RXRA: variants seen among roughly 807,000 people sequenced by gnomAD.
The protein encoded by RXRA is retinoid X receptor alpha.
In RXRA, 5 loss-of-function variants were observed where a neutral mutation model predicts 44.5. That is an observed-to-expected ratio of 0.11 (90% CI 0.06 to 0.24). The LOEUF (loss-of-function observed/expected upper bound fraction) is 0.24, where lower values mean the gene tolerates loss of function less well. Ranked by LOEUF, RXRA falls within the 10% of genes least tolerant of loss-of-function variation. RXRA has a pLI of 1.00. For synonymous variants in RXRA, 291 were observed against 271.4 expected (o/e 1.07, Z -0.71); for missense variants, 412 against 646.5 (o/e 0.64, Z 3.93).
intron 6 of RXRA, chr9:134,425,854 A>C: frequency 1.0e-6 from 1 of 984,714 alleles, no homozygotes; most frequent in Non-Finnish European, 1.2e-6. Flanking sequence ...GACTCATTTA[A>C]CTCTCCAGAC....
chr9:134,376,681 G>A (rs562380722), intron 1 of RXRA, among the ~76,000 whole-genome samples: 9 of 11,658 alleles, frequency 7.7e-4, no homozygotes, highest in Middle Eastern at 0.036. Context: ...TGCTCAGCGC[G>A]TGGGCAGTAC....
chr9:134,353,579 G>C (rs1333212325), intron 1 of RXRA, among the ~76,000 whole-genome samples: 1 of 152,206 alleles, frequency 6.6e-6, no homozygotes, highest in Non-Finnish European at 1.5e-5. Flanking sequence ...ACGAGTCCAC[G>C]AGCCCCTGTA....
At chr9:134,369,060 A>G (rs1358450447) in intron 1 of RXRA, among the ~76,000 whole-genome samples, 2 of 22,014 alleles carry the variant, frequency 9.1e-5, no homozygotes, top group Non-Finnish European at 7.8e-5. Context: ...ATGGGGGGTT[A>G]TGTGTGGGGG....
rs1830410469 is a variant in RXRA at position 134,366,003 on chromosome 9, G to A, written c.29-35629G>A. 6.6e-6 allele frequency among the ~76,000 whole-genome samples: 1 copy of A among 152,120 alleles called. No homozygotes were observed. Among genetic ancestry groups the A allele is most frequent in the African/African-American group, 2.4e-5 (1 of 41,418 alleles). ...CGCCTGTCTTTGCAGGAGCCGCGGG[G>A]ATCATCTGGCGGCTGCCTCCACCCC... is the stretch of plus-strand genomic sequence containing the variant. On this transcript the variant is annotated intron_variant, in intron 1 of 9. Coordinates refer to ENST00000481739, the MANE Select transcript of RXRA (RefSeq NM_002957.6). The surrounding 1 kb of genome is among the most constrained non-coding windows in gnomAD (Gnocchi z 5.9).
In RXRA at chr9:134,395,377, C is replaced by T. The variant is rs973550525; in HGVS notation, c.29-6255C>T. Among the ~76,000 whole-genome samples the T allele has an allele frequency of 7.2e-5, 11 of 152,236 alleles. No individual in the cohort carries two copies. The East Asian group carries it at 1.9e-3, about 27-fold the overall frequency. ...ATGGGGGGCTGATCATGGAAGGGCCCGTCTCACTGGGCCCTTGGGGCATCT... is the reference window on the plus strand; with the variant it reads ...ATGGGGGGCTGATCATGGAAGGGCCTGTCTCACTGGGCCCTTGGGGCATCT... On this transcript the variant is annotated intron_variant, in intron 1 of 9. Coordinates refer to ENST00000481739, the MANE Select transcript of RXRA (RefSeq NM_002957.6).
At chr9:134,429,979 G>A (rs541943707) in intron 7 of RXRA, among the ~76,000 whole-genome samples, 3 of 152,066 alleles carry the variant, frequency 2.0e-5, no homozygotes, top group East Asian at 3.9e-4. Flanking sequence ...TCCGCCTCCC[G>A]GGTTCACACC....
At chr9:134,408,799 G>A in intron 3 of RXRA, 141 bp from the exon 4 acceptor site, 1 of 774,082 alleles carries the variant, frequency 1.3e-6, no homozygotes, top group Non-Finnish European at 2.0e-6. Context: ...GGCCCAGTCT[G>A]AGCCCAGGCA....
At chr9:134,377,175 C>G (rs541624325) in intron 1 of RXRA, among the ~76,000 whole-genome samples, 1 of 152,356 alleles carries the variant, frequency 6.6e-6, no homozygotes, top group East Asian at 1.9e-4. Context: ...AGTACCCATT[C>G]TCACCCTGTC....
intron 1 of RXRA, among the ~76,000 whole-genome samples, chr9:134,371,262 T>C (rs990081817): frequency 2.0e-5 from 3 of 152,100 alleles, no homozygotes; most frequent in African/African-American, 7.2e-5. Context: ...TTTGGAAAAG[T>C]CCCTTGACCC....
At chr9:134,421,846 G>C (rs1588302908) in intron 6 of RXRA, 41 bp downstream of exon 6, 9 of 1,608,218 alleles carry the variant, frequency 5.6e-6, no homozygotes, top group Non-Finnish European at 7.6e-6. Context: ...ATGCCATGCA[G>C]ATGGGACACG....
At chr9:134,355,360 A>G (rs1375959602) in intron 1 of RXRA, among the ~76,000 whole-genome samples, 1 of 152,238 alleles carries the variant, frequency 6.6e-6, no homozygotes, top group Non-Finnish European at 1.5e-5. Flanking sequence ...ACCCTTGGAC[A>G]GATCCCCCGA....
rs1312574738 is a variant in RXRA at position 134,407,984 on chromosome 9, G to A, written c.280-165G>A. 6.6e-6 allele frequency among the ~76,000 whole-genome samples: 1 copy of A among 151,852 alleles called. No individual in the cohort carries two copies. The highest frequency in any genetic ancestry group is 1.5e-5 in the Non-Finnish European group (1 of 67,918). On this transcript the variant is annotated intron_variant, in intron 2 of 9. Transcript: ENST00000481739. This position sits in a 1 kb window ranked among gnomAD's most constrained non-coding sequence, Gnocchi z 4.8. The stretch of plus-strand genomic sequence containing the variant: ...CTTGCTGAGCAAGCACAGTGGCCCC[G>A]CTGCTCCGGAGCAGCGTGGCGGGTG...
At chr9:134,400,767 C>T (rs538623370) in intron 1 of RXRA, among the ~76,000 whole-genome samples, 2 of 152,342 alleles carry the variant, frequency 1.3e-5, no homozygotes, top group South Asian at 4.1e-4. Flanking sequence ...CCCAGCCTCT[C>T]CTGCGGCCCT....
intron 1 of RXRA, among the ~76,000 whole-genome samples, chr9:134,375,889 C>T (rs779746882): frequency 2.0e-5 from 3 of 151,870 alleles, no homozygotes; most frequent in Non-Finnish European, 2.9e-5. Context: ...ACGTGCCCTG[C>T]GACTCGATGG....
chr9:134,368,975 TTATGTG>T (rs768378721), intron 1 of RXRA, among the ~76,000 whole-genome samples: 1 of 62,468 alleles, frequency 1.6e-5, no homozygotes, highest in Non-Finnish European at 2.8e-5. Flanking sequence ...GTGTGTGGGG[TTATGTG>T]TGTGTGAGTG....
At chr9:134,389,542 C>T (rs1830770268) in intron 1 of RXRA, among the ~76,000 whole-genome samples, 2 of 152,046 alleles carry the variant, frequency 1.3e-5, no homozygotes, top group African/African-American at 2.4e-5. Context: ...AGGCCTGGGG[C>T]TTTGGATTTT....
rs1329586785 is a variant in RXRA at position 134,409,013 on chromosome 9, C to G, written c.504C>G (p.Thr168=). 1 of 1,611,692 alleles carries G rather than the reference C, an allele frequency of 6.2e-7. No homozygotes were observed. The highest frequency in any genetic ancestry group is 1.3e-5 in the African/African-American group (1 of 74,856). The change falls in exon 4 of 10, where the codon ACC becomes ACG. Residue 168 remains threonine, a synonymous_variant. Transcript: ENST00000481739. The stretch of plus-strand genomic sequence containing the variant: ...AGCGGACGGTGCGCAAGGACCTGAC[C>G]TACACCTGCCGCGACAACAAGGACT... The part of the protein sequence containing the change: ...FFKRTVRKDL[T]YTCRDNKDCL...
In RXRA at chr9:134,436,827, G is replaced by C. The variant is rs1266568600; in HGVS notation, c.*213G>C. On this transcript the variant is annotated 3_prime_UTR_variant, in exon 10 of 10. Transcript: ENST00000481739. ...TGGCCCAGGGCAGTGGCTTTCCTGA[G>C]GCAGCAGCCTTCGTGGCAAGAACTA... is the stretch of plus-strand genomic sequence containing the variant. 1 of 591,484 alleles carries C rather than the reference G, an allele frequency of 1.7e-6. No homozygotes were observed. The highest frequency in any genetic ancestry group is 1.9e-5 in the African/African-American group (1 of 53,588). 36.6% of individuals were successfully genotyped at this position (591,484 alleles called of 1,614,324 possible).
chr9:134,339,855 ATG>A (rs1234258222), intron 1 of RXRA, among the ~76,000 whole-genome samples: 32 of 128,980 alleles, frequency 2.5e-4, no homozygotes, highest in Non-Finnish European at 4.6e-4. Context: ...GTGTGAGCCC[ATG>A]TGTGTGTGTC....
Sources: gnomAD v4.1 joint callset for allele counts (sites outside exome capture counted in the v4.1 genomes callset) on GRCh38, gnomAD v4.1.1 for gene constraint, Gnocchi (gnomAD v3.1) non-coding constraint, MANE v1.5 for transcripts, NCBI Gene and HGNC (gene_info 2026-07-23, HGNC 2026-07-21) for gene names.